TENM4: variants seen among roughly 807,000 people sequenced by gnomAD.
TENM4 encodes teneurin transmembrane protein 4.
A neutral mutation model predicts 243.3 loss-of-function variants in TENM4; 82 were observed. That is an observed-to-expected ratio of 0.34 (90% CI 0.28 to 0.40). TENM4 has a LOEUF of 0.40. TENM4 is among the 10% of genes least tolerant of loss of function. TENM4 has a pLI of 1.00. For missense variants in TENM4, 3,138 were observed against 3,673.3 expected, an observed-to-expected ratio of 0.85 and a Z score of 3.77; for synonymous variants, 1,412 against 1,456.3, an observed-to-expected ratio of 0.97 and a Z score of 0.69.
chr11:79,331,776 C>G (rs188102273), intron 1 of TENM4, among the ~76,000 whole-genome samples: 1 of 152,220 alleles, frequency 6.6e-6, no homozygotes, highest in African/African-American at 2.4e-5. Flanking sequence ...AGGGGAGCCT[C>G]GCAGGGGCTG....
At chr11:78,723,883 T>C (rs943111542) in intron 23 of TENM4, among the ~76,000 whole-genome samples, 4 of 152,228 alleles carry the variant, frequency 2.6e-5, no homozygotes, top group African/African-American at 9.6e-5. Flanking sequence ...ATCAATCATT[T>C]TTCTACCTTA....
intron 1 of TENM4, among the ~76,000 whole-genome samples, chr11:79,358,263 A>G (rs757762060): frequency 1.3e-5 from 2 of 152,230 alleles, no homozygotes; most frequent in Non-Finnish European, 2.9e-5. Flanking sequence ...ATTAAATGAT[A>G]AATATTACTA....
intron 4 of TENM4, among the ~76,000 whole-genome samples, chr11:79,071,102 A>T (rs1022980555): frequency 6.6e-6 from 1 of 152,052 alleles, no homozygotes; most frequent in Non-Finnish European, 1.5e-5. Flanking sequence ...TGGATTTTTG[A>T]GTTGTGATAG....
chr11:79,428,207 T>C (rs1039782695), intron 1 of TENM4, among the ~76,000 whole-genome samples: 2 of 152,200 alleles, frequency 1.3e-5, no homozygotes, highest in African/African-American at 4.8e-5. Flanking sequence ...TCTCAGATGG[T>C]ACCTATGCAC....
intron 29 of TENM4, among the ~76,000 whole-genome samples, chr11:78,677,952 T>G (rs1327736945): frequency 1.8e-5 from 2 of 113,974 alleles, no homozygotes; most frequent in African/African-American, 6.8e-5. Flanking sequence ...GTCCCCAGAG[T>G]GTGATATTCC....
rs563724234 is a variant in TENM4 at position 79,011,437 on chromosome 11, G to A, written c.493+53301C>T. 5.3e-5 allele frequency among the ~76,000 whole-genome samples: 8 copies of A among 152,322 alleles called. No homozygotes were observed. The East Asian group carries it at 9.7e-4, about 18-fold the overall frequency. On this transcript the variant is annotated intron_variant, in intron 6 of 33. Transcript: ENST00000278550. ...TGGCCTTGGTCCTGTTTCTGGGTGC[G>A]TTTTCTAGTTGCCTGCCCAAGACTC...
chr11:79,352,719 G>A (rs1016330243), intron 1 of TENM4, among the ~76,000 whole-genome samples: 4 of 152,158 alleles, frequency 2.6e-5, no homozygotes, highest in African/African-American at 9.7e-5. Flanking sequence ...TCTGGCCTCT[G>A]TGCATTTATT....
At chr11:79,297,753 G>A (rs1327763067) in intron 1 of TENM4, among the ~76,000 whole-genome samples, 4 of 152,066 alleles carry the variant, frequency 2.6e-5, no homozygotes, top group Non-Finnish European at 5.9e-5. Flanking sequence ...CAAGCAGGAC[G>A]CTCGCTGATG....
chr11:78,973,023 C>A (rs143000424), intron 6 of TENM4, among the ~76,000 whole-genome samples: 134 of 152,344 alleles, frequency 8.8e-4, no homozygotes, highest in Admixed American at 4.6e-3. Context: ...CATTTCATTT[C>A]ACTGACAAAT....
At chr11:79,052,199 C>T (rs184765689) in intron 6 of TENM4, among the ~76,000 whole-genome samples, 208 of 152,346 alleles carry the variant, frequency 1.4e-3, no homozygotes, top group African/African-American at 4.9e-3. Flanking sequence ...AATTGCCACG[C>T]TGTCTTCCAA....
At chr11:79,212,579 C>A (rs1863974072) in intron 3 of TENM4, among the ~76,000 whole-genome samples, 2 of 152,028 alleles carry the variant, frequency 1.3e-5, no homozygotes, top group Non-Finnish European at 1.5e-5. Context: ...GCTAAAAGAC[C>A]CCTAATTTGA....
chr11:79,323,611 G>T (rs1856927551), intron 1 of TENM4, among the ~76,000 whole-genome samples: 2 of 152,222 alleles, frequency 1.3e-5, no homozygotes, highest in Non-Finnish European at 2.9e-5. Flanking sequence ...ATGTTGCTGT[G>T]AAGGTATTTG....
intron 32 of TENM4, among the ~76,000 whole-genome samples, chr11:78,662,084 ACGG>A: frequency 6.6e-6 from 1 of 152,298 alleles, no homozygotes; most frequent in Admixed American, 6.5e-5. Flanking sequence ...TCAAAGTCCC[ACGG>A]GTTACAGAGA....
At chr11:78,945,997 C>T (rs763714955) in intron 6 of TENM4, among the ~76,000 whole-genome samples, 1 of 152,178 alleles carries the variant, frequency 6.6e-6, no homozygotes, top group East Asian at 1.9e-4. Flanking sequence ...TGAAGCAGCA[C>T]GTGCTGATGG....
At chr11:78,994,111 C>T (rs1416199489) in intron 6 of TENM4, among the ~76,000 whole-genome samples, 4 of 152,170 alleles carry the variant, frequency 2.6e-5, no homozygotes, top group Admixed American at 2.6e-4. Context: ...TAACCCTATT[C>T]CTAAAGCATG....
At chr11:78,769,669 T>C (rs563616448) in intron 18 of TENM4, among the ~76,000 whole-genome samples, 1 of 152,312 alleles carries the variant, frequency 6.6e-6, no homozygotes, top group South Asian at 2.1e-4. Flanking sequence ...AACATAGGCC[T>C]TCTGTTTCTG....
At chr11:78,917,626 C>G (rs190728345) in intron 6 of TENM4, among the ~76,000 whole-genome samples, 1 of 152,270 alleles carries the variant, frequency 6.6e-6, no homozygotes, top group East Asian at 1.9e-4. Context: ...GTGCCCAGCT[C>G]AATCCCTAGG....
chr11:78,903,705 G>T, intron 6 of TENM4, 182 bp from the exon 7 acceptor site: 1 of 1,027,700 alleles, frequency 9.7e-7, no homozygotes, highest in Non-Finnish European at 1.5e-6. Context: ...TAGGTGCTAG[G>T]GATACCTTAA....
At chr11:78,764,255 G>A (rs993153441) in intron 18 of TENM4, among the ~76,000 whole-genome samples, 6 of 152,214 alleles carry the variant, frequency 3.9e-5, no homozygotes, top group African/African-American at 9.6e-5. Flanking sequence ...AGGACACTGG[G>A]GCTCAGGTTA....
Sources: gnomAD v4.1 joint callset for allele counts (sites outside exome capture counted in the v4.1 genomes callset) on GRCh38, gnomAD v4.1.1 for gene constraint, MANE v1.5 for transcripts, NCBI Gene and HGNC (gene_info 2026-07-23, HGNC 2026-07-21) for gene names.